NCKAP1: variants seen among roughly 807,000 people sequenced by gnomAD.
NCKAP1 encodes the protein NCK associated protein 1.
In NCKAP1, 21 loss-of-function variants were observed where a neutral mutation model predicts 151.2. The observed-to-expected ratio is 0.14, with a 90% CI of 0.10 to 0.20. The LOEUF is 0.20. Among genes scored for constraint, NCKAP1 ranks in the 10% least tolerant of loss-of-function variants. The pLI is 1.00. For synonymous variants in NCKAP1, 484 were observed against 451.8 expected, an observed-to-expected ratio of 1.07 and a Z score of -0.90; for missense variants, 933 against 1,352.1, an observed-to-expected ratio of 0.69 and a Z score of 4.86.
chr2:182,952,787 A>G lies in NCKAP1; in HGVS notation c.2503+6T>C. On this transcript the variant is annotated splice_donor_region_variant and intron_variant, in intron 22 of 30. Coordinates refer to ENST00000361354, the MANE Select transcript of NCKAP1 (RefSeq NM_013436.5). Reference sequence around the variant, plus strand: ...ATTCTCTAAACTGTGGTATAGTACTATTCACCTGATATGTCAGAATATTCC... The same window carrying G: ...ATTCTCTAAACTGTGGTATAGTACTGTTCACCTGATATGTCAGAATATTCC... 1 of 1,598,802 alleles carries G rather than the reference A, an allele frequency of 6.3e-7. No homozygotes were observed. Among genetic ancestry groups the G allele is most frequent in the Non-Finnish European group, 8.5e-7 (1 of 1,173,422 alleles).
intron 1 of NCKAP1, among the ~76,000 whole-genome samples, chr2:183,027,499 A>G (rs1019262154): frequency 1.3e-5 from 2 of 152,192 alleles, no homozygotes; most frequent in Non-Finnish European, 2.9e-5. Flanking sequence ...ATAAACTGAC[A>G]TGACTAAAAG....
At chr2:182,927,064 A>G (rs1303817804) in intron 29 of NCKAP1, 159 bp from the exon 30 acceptor site, 1 of 521,108 alleles carries the variant, frequency 1.9e-6, no homozygotes, top group Non-Finnish European at 3.3e-6. Context: ...CCTACATTCA[A>G]GCAGTAATTT....
chr2:182,948,739 A>T (rs1241252360), intron 23 of NCKAP1, among the ~76,000 whole-genome samples: 1 of 152,228 alleles, frequency 6.6e-6, no homozygotes, highest in African/African-American at 2.4e-5. Flanking sequence ...GTTTAAGGTT[A>T]GCATAAGTGA....
intron 10 of NCKAP1, 97 bp downstream of exon 10, chr2:182,986,074 T>C (rs1045380465): frequency 7.3e-6 from 8 of 1,102,232 alleles, no homozygotes; most frequent in Non-Finnish European, 8.1e-6. Context: ...TCTACTACCA[T>C]ATCTTGCATA....
chr2:182,991,881 C>T (rs1394557829), intron 8 of NCKAP1, among the ~76,000 whole-genome samples: 3 of 152,136 alleles, frequency 2.0e-5, no homozygotes, highest in East Asian at 3.9e-4. Flanking sequence ...CCCTAAAATA[C>T]GTATCAGGAT....
rs1366367166 is a variant in NCKAP1, at chr2:182,922,120, T to C, written c.*3582A>G. ...ATGAAAGAAAGATGTAAGGAGTCAC[T>C]ACTTTAAGGATTATTCACAAAAGTC... is the stretch of plus-strand genomic sequence containing the variant. On this transcript the variant is annotated 3_prime_UTR_variant, in exon 31 of 31. Transcript: ENST00000361354. 1.3e-5 allele frequency: 2 copies of C among 152,230 alleles called. No homozygotes were observed. The highest frequency in any genetic ancestry group is 1.5e-5 in the Non-Finnish European group (1 of 68,040). The allele number at this position is 152,230 out of a possible 1,614,324, so 9.4% of individuals were successfully genotyped here.
chr2:182,944,732 A>G (rs1416024735), intron 23 of NCKAP1, among the ~76,000 whole-genome samples: 1 of 152,252 alleles, frequency 6.6e-6, no homozygotes, highest in Non-Finnish European at 1.5e-5. Context: ...CACCTTTAAG[A>G]TAAAAAGAAA....
rs1400453137 is a variant in NCKAP1 at position 182,925,622 on chromosome 2, T to A, written c.*80A>T. 2 of 692,750 alleles carry A rather than the reference T, an allele frequency of 2.9e-6. No individual in the cohort carries two copies. Among genetic ancestry groups the A allele is most frequent in the African/African-American group, 3.7e-5 (2 of 53,912 alleles). The allele number at this position is 692,750 out of a possible 1,614,324, so 42.9% of individuals were successfully genotyped here. A position where few individuals can be genotyped will look rare whatever the true frequency, so the allele number is the denominator to read the frequency against. ...ATAATCCACAAAACTTTTTCAGGTC[T>A]TAAGGTAAAATAGTTCCACAGTCTA... On this transcript the variant is annotated 3_prime_UTR_variant, in exon 31 of 31. Coordinates refer to ENST00000361354, the MANE Select transcript of NCKAP1 (RefSeq NM_013436.5).
intron 1 of NCKAP1, among the ~76,000 whole-genome samples, chr2:183,037,620 C>T (rs1699128476): frequency 2.0e-5 from 3 of 152,200 alleles, no homozygotes; most frequent in African/African-American, 7.2e-5. Flanking sequence ...TTCCTACCCA[C>T]CTAGAATTTC....
In NCKAP1 at chr2:182,920,238, T is replaced by G. The variant is rs1298660989; in HGVS notation, c.*5464A>C. The stretch of plus-strand genomic sequence containing the variant: ...ATACCTCTGGCTCCGCCTCTCAAAG[T>G]GTTGGGATTACAGGCGTGAACCACT... On this transcript the variant is annotated 3_prime_UTR_variant, in exon 31 of 31. Coordinates refer to ENST00000361354, the MANE Select transcript of NCKAP1 (RefSeq NM_013436.5). The G allele has an allele frequency of 2.6e-5, 4 of 152,188 alleles. 1 individual carries two copies. Among genetic ancestry groups the G allele is most frequent in the Non-Finnish European group, 4.4e-5 (3 of 68,136 alleles). 9.4% of individuals were successfully genotyped at this position (152,188 alleles called of 1,614,324 possible).
Position 183,002,165 on chromosome 2 carries a change from T to A in NCKAP1, c.474A>T (p.Gly158=). Residue 158 remains glycine, a synonymous_variant, in exon 5 of 31, where the codon GGA becomes GGT. Coordinates refer to ENST00000361354, the MANE Select transcript of NCKAP1 (RefSeq NM_013436.5). ...SRIEERKAII[G]LYNYAHEMTH... is the part of the protein sequence containing the mutation. The stretch of plus-strand genomic sequence containing the variant: ...TCATTTCATGGGCATAGTTGTATAA[T>A]CCAATGATTGCCTTCCTTTCTTCAA... The A allele has an allele frequency of 6.2e-7, 1 of 1,612,934 alleles. No homozygotes were observed. Among genetic ancestry groups the A allele is most frequent in the Non-Finnish European group, 8.5e-7 (1 of 1,179,074 alleles).
chr2:182,986,267 T>C lies in NCKAP1; in HGVS notation c.948-40A>G, dbSNP rs1354376078. ...AAATTAGAACGTTAGTTTAATTTGA[T>C]CAATAACTGTCAAAATGAGTAAGTC... On this transcript the variant is annotated intron_variant, in intron 9 of 30. Transcript: ENST00000361354. 2.7e-6 allele frequency: 4 copies of C among 1,478,032 alleles called. No individual in the cohort carries two copies. In the African/African-American group the frequency reaches 5.6e-5, roughly 21 times the overall value. The allele number at this position is 1,478,032 out of a possible 1,614,324, so 91.6% of individuals were successfully genotyped here. A position where few individuals can be genotyped will look rare whatever the true frequency, so the allele number is the denominator to read the frequency against.
rs1324628034 is a variant in NCKAP1 at position 182,914,283 on chromosome 2, G to C, written c.*11419C>G. On this transcript the variant is annotated 3_prime_UTR_variant, in exon 31 of 31. Coordinates refer to ENST00000361354, the MANE Select transcript of NCKAP1 (RefSeq NM_013436.5). ...ATTCATTGAACTGATGTTAGGATATGACATAATATATTATTTCTAACTTTT... is the reference window on the plus strand; with the variant it reads ...ATTCATTGAACTGATGTTAGGATATCACATAATATATTATTTCTAACTTTT... 6.6e-6 allele frequency: 1 copy of C among 152,210 alleles called. No homozygotes were observed. Among genetic ancestry groups the C allele is most frequent in the Admixed American group, 6.5e-5 (1 of 15,280 alleles). The allele number at this position is 152,210 out of a possible 1,614,324, so 9.4% of individuals were successfully genotyped here. A position where few individuals can be genotyped will look rare whatever the true frequency, so the allele number is the denominator to read the frequency against.
At chr2:182,933,052 A>C (rs1696798135) in intron 26 of NCKAP1, among the ~76,000 whole-genome samples, 1 of 152,216 alleles carries the variant, frequency 6.6e-6, no homozygotes. Flanking sequence ...TACAAGGCAG[A>C]TTATATTCAA....
intron 29 of NCKAP1, among the ~76,000 whole-genome samples, chr2:182,927,450 C>A (rs1322931829): frequency 1.3e-5 from 2 of 151,862 alleles, no homozygotes; most frequent in Non-Finnish European, 2.9e-5. Context: ...AAAAAGCTGA[C>A]AGGATTTATA....
rs937953239 is a variant in NCKAP1 at position 182,967,106 on chromosome 2, G to C, written c.1628+110C>G. ...AGTCCACTATTCCCTTTATTCTTAA[G>C]GATCTATTACTGAACTGTCTTAAGG... On this transcript the variant is annotated intron_variant, in intron 16 of 30. Coordinates refer to ENST00000361354, the MANE Select transcript of NCKAP1 (RefSeq NM_013436.5). 9 of 951,570 alleles carry C rather than the reference G, an allele frequency of 9.5e-6. No homozygotes were observed. In the African/African-American group the frequency reaches 1.5e-4, roughly 16 times the overall value. The allele number at this position is 951,570 out of a possible 1,614,324, so 58.9% of individuals were successfully genotyped here.
At chr2:182,984,423 G>GGGGTGTGTGTGTGTGTGTGTGT (rs984252600) in intron 10 of NCKAP1, among the ~76,000 whole-genome samples, 2 of 144,282 alleles carry the variant, frequency 1.4e-5, no homozygotes, top group Non-Finnish European at 1.6e-5. Flanking sequence ...TTTAGATTGG[G>GGGGTGTGTGTGTGTGTGTGTGT]GTGTGTGTGT....
intron 16 of NCKAP1, 38 bp from the exon 17 acceptor site, chr2:182,964,846 T>G (rs1300170347): frequency 7.8e-6 from 12 of 1,530,252 alleles, no homozygotes; most frequent in Non-Finnish European, 1.1e-5. Context: ...TTTTTACATT[T>G]AAAGTAAGTT....
At chr2:183,002,770 A>G (rs1698398113) in intron 4 of NCKAP1, among the ~76,000 whole-genome samples, 1 of 152,064 alleles carries the variant, frequency 6.6e-6, no homozygotes. Context: ...ATTTCCCAAT[A>G]TGTACAAGAC....
Sources: gnomAD v4.1 joint callset for allele counts (sites outside exome capture counted in the v4.1 genomes callset) on GRCh38, gnomAD v4.1.1 for gene constraint, MANE v1.5 for transcripts, NCBI Gene and HGNC (gene_info 2026-07-23, HGNC 2026-07-21) for gene names.